The following NHSL2 variants were observed in gnomAD, a reference collection of about 807,000 sequenced individuals.
The protein encoded by NHSL2 is NHS like 2.
A neutral mutation model predicts 53.4 loss-of-function variants in NHSL2; 27 were observed. The observed-to-expected ratio is 0.51, with a 90% CI of 0.37 to 0.70. The LOEUF (loss-of-function observed/expected upper bound fraction) is 0.70. NHSL2 is among the 30% of genes least tolerant of loss of function. The probability of loss-of-function intolerance (pLI) is 0.00; values close to 1 mark genes in which losing one functional copy is unlikely to be tolerated. For missense variants in NHSL2, 892 were observed against 980.1 expected (o/e 0.91, Z 1.20); for synonymous variants, 408 against 404.1 (o/e 1.01, Z -0.12).
In NHSL2 at chrX:72,139,398, C is replaced by T; in HGVS notation, c.1850C>T (p.Ala617Val). 9 of 1,209,959 alleles carry T rather than the reference C, an allele frequency of 7.4e-6. No individual in the cohort carries two copies. Among genetic ancestry groups the T allele is most frequent in the Non-Finnish European group, 1.0e-5 (9 of 893,977 alleles). ...HQGHHSSHPDAQGHPAIPNHK... is the reference protein window; with the variant it reads ...HQGHHSSHPDVQGHPAIPNHK... ...GGACATCACTCGTCCCACCCAGATG[C>T]TCAGGGTCACCCAGCTATTCCAAAC... The change falls in exon 6 of 8, where the codon GCT (alanine) becomes GTT (valine). Residue 617 changes from alanine (A) to valine (V), a missense_variant. By Grantham distance (64) the Ala-to-Val change is moderately conservative. Coordinates refer to ENST00000633930, the MANE Select transcript of NHSL2 (RefSeq NM_001013627.3).
At chrX:71,981,899 A>G (rs7888161) in intron 1 of NHSL2, among the ~76,000 whole-genome samples, 3,991 of 112,079 alleles carry the variant, frequency 0.036, 161 homozygotes, top group African/African-American at 0.12. Flanking sequence ...GCCTCTATGG[A>G]AAACAGTACA....
chrX:72,096,385 AGGCT>A (rs1450727125), intron 1 of NHSL2, among the ~76,000 whole-genome samples: 1 of 112,000 alleles, frequency 8.9e-6, no homozygotes, highest in Non-Finnish European at 1.9e-5. Context: ...GCCAATCCCA[AGGCT>A]GGTGAGGTAC....
At chrX:72,131,236 T>C in intron 1 of NHSL2, 1 of 1,200,840 alleles carries the variant, frequency 8.3e-7, no homozygotes, top group Non-Finnish European at 1.1e-6. Flanking sequence ...AATCAAAAGA[T>C]CATCCGAGAT....
chrX:71,997,622 G>T (rs1216902142), intron 1 of NHSL2, among the ~76,000 whole-genome samples: 4 of 112,393 alleles, frequency 3.6e-5, no homozygotes, highest in African/African-American at 1.3e-4. Flanking sequence ...ATACTGCCTG[G>T]CTCTGCCATT....
intron 1 of NHSL2, among the ~76,000 whole-genome samples, chrX:71,982,602 A>G (rs942585749): frequency 7.2e-5 from 8 of 111,651 alleles, no homozygotes; most frequent in Admixed American, 4.7e-4. Context: ...TTGATCACCA[A>G]TGGCCAATCA....
At chrX:71,979,436 T>G (rs965352648) in intron 1 of NHSL2, among the ~76,000 whole-genome samples, 1 of 111,772 alleles carries the variant, frequency 8.9e-6, no homozygotes, top group Non-Finnish European at 1.9e-5. Flanking sequence ...TCTCCTGACT[T>G]TTTAATGATC....
At chrX:72,021,913 G>T (rs537601884) in intron 1 of NHSL2, among the ~76,000 whole-genome samples, 1 of 111,896 alleles carries the variant, frequency 8.9e-6, no homozygotes, top group Admixed American at 9.4e-5. Context: ...GCATGTGGAG[G>T]TGCTAGACCA....
chrX:72,129,943 C>G, intron 1 of NHSL2: 1 of 1,211,066 alleles, frequency 8.3e-7, no homozygotes, highest in Admixed American at 2.2e-5. Flanking sequence ...ACCTGTGCGG[C>G]GAATCAGTTG....
At chrX:72,125,584 C>T (rs1202909339) in intron 1 of NHSL2, among the ~76,000 whole-genome samples, 1 of 111,876 alleles carries the variant, frequency 8.9e-6, no homozygotes, top group Non-Finnish European at 1.9e-5. Flanking sequence ...CACAGTGCTT[C>T]CTGCTTCAGG....
intron 1 of NHSL2, among the ~76,000 whole-genome samples, chrX:71,915,467 C>T (rs2041623780): frequency 8.9e-6 from 1 of 112,329 alleles, no homozygotes; most frequent in African/African-American, 3.2e-5. Context: ...CTTCAGTAGT[C>T]ATGAGTGCTG....
chrX:72,063,675 T>C (rs946291699), intron 1 of NHSL2, among the ~76,000 whole-genome samples: 2 of 111,515 alleles, frequency 1.8e-5, no homozygotes, highest in African/African-American at 6.5e-5. Flanking sequence ...CACTCAATTT[T>C]CCCCTGTAAT....
Position 71,973,089 on chromosome X carries a change from C to T in NHSL2, c.280+61722C>T, listed in dbSNP as rs554861234. On this transcript the variant is annotated intron_variant, in intron 1 of 7. Coordinates refer to ENST00000633930, the MANE Select transcript of NHSL2 (RefSeq NM_001013627.3). ...AAGCCTGGCTGCCTAGGAGTGGGCCCTGGTTTAGGGTAGCTTATTGTTCAG... is the reference window on the plus strand; with the variant it reads ...AAGCCTGGCTGCCTAGGAGTGGGCCTTGGTTTAGGGTAGCTTATTGTTCAG... 4.5e-5 allele frequency among the ~76,000 whole-genome samples: 5 copies of T among 111,827 alleles called. No individual in the cohort carries two copies. In the Middle Eastern group the frequency reaches 0.014, roughly 306 times the overall value.
At chrX:72,064,103 G>C (rs2042414137) in intron 1 of NHSL2, among the ~76,000 whole-genome samples, 2 of 111,746 alleles carry the variant, frequency 1.8e-5, no homozygotes, top group African/African-American at 6.5e-5. Flanking sequence ...GGCTAGAAGA[G>C]AAGTTTATGT....
intron 1 of NHSL2, among the ~76,000 whole-genome samples, chrX:72,083,160 G>T (rs1161567511): frequency 8.9e-6 from 1 of 111,752 alleles, no homozygotes; most frequent in African/African-American, 3.3e-5. Context: ...CCCCCCTACA[G>T]TGTTGGGATG....
chrX:72,068,469 C>T (rs2042444545), intron 1 of NHSL2, among the ~76,000 whole-genome samples: 1 of 112,210 alleles, frequency 8.9e-6, no homozygotes, highest in East Asian at 2.8e-4. Context: ...TACCACCACT[C>T]GCCTGAGTGA....
At chrX:72,009,114 T>A (rs1433581857) in intron 1 of NHSL2, among the ~76,000 whole-genome samples, 2 of 112,212 alleles carry the variant, frequency 1.8e-5, no homozygotes, top group East Asian at 5.6e-4. Flanking sequence ...CCAGGTACAT[T>A]GTATTTGCTT....
chrX:72,099,603 G>A (rs994111394), intron 1 of NHSL2, among the ~76,000 whole-genome samples: 48 of 110,802 alleles, frequency 4.3e-4, no homozygotes, highest in African/African-American at 1.4e-3. Context: ...ACTCCTGACC[G>A]CATGATCCAC....
chrX:72,090,870 T>C (rs942686939), intron 1 of NHSL2, among the ~76,000 whole-genome samples: 2 of 110,920 alleles, frequency 1.8e-5, no homozygotes, highest in African/African-American at 6.6e-5. Context: ...TGACATACTA[T>C]ACACAACATT....
intron 1 of NHSL2, among the ~76,000 whole-genome samples, chrX:71,950,307 G>A (rs748586606): frequency 5.6e-4 from 63 of 112,725 alleles, no homozygotes; most frequent in African/African-American, 1.9e-3. Context: ...AGGCTAAGGA[G>A]TGGAAGTAAC....
Sources: gnomAD v4.1 joint callset for allele counts (sites outside exome capture counted in the v4.1 genomes callset) on GRCh38, gnomAD v4.1.1 for gene constraint, MANE v1.5 for transcripts, NCBI Gene and HGNC (gene_info 2026-07-23, HGNC 2026-07-21) for gene names.